Variants in FAM120B observed in about 807,000 individuals in gnomAD.
FAM120B encodes the protein family with sequence similarity 120 member B.
FAM120B carries 83 observed loss-of-function variants against 96.3 expected under a neutral mutation model. That is an observed-to-expected ratio of 0.86 (90% confidence interval 0.72 to 1.03). FAM120B has a LOEUF of 1.03. Ranked by LOEUF, FAM120B falls within the 50% of genes least tolerant of loss-of-function variation. The pLI is 0.00. For synonymous variants in FAM120B, 407 were observed against 402.7 expected, an observed-to-expected ratio of 1.01 and a Z score of -0.13; for missense variants, 1,027 against 1,121.2, an observed-to-expected ratio of 0.92 and a Z score of 1.20.
intron 9 of FAM120B, among the ~76,000 whole-genome samples, chr6:170,399,645 G>T (rs961985463): frequency 7.5e-6 from 1 of 133,110 alleles, no homozygotes; most frequent in Non-Finnish European, 1.5e-5. Flanking sequence ...AGTGGGGAAG[G>T]TAGAACTATG....
chr6:170,334,817 C>G (rs182477750), intron 4 of FAM120B, among the ~76,000 whole-genome samples: 1 of 152,144 alleles, frequency 6.6e-6, no homozygotes, highest in Non-Finnish European at 1.5e-5. Flanking sequence ...GCCACTTTCA[C>G]TGTTGAATGC....
At chr6:170,353,418 G>A (rs894616612) in intron 5 of FAM120B, among the ~76,000 whole-genome samples, 2 of 152,274 alleles carry the variant, frequency 1.3e-5, no homozygotes, top group Middle Eastern at 3.4e-3. Flanking sequence ...GCATCATCCT[G>A]ATACCAAAAC....
chr6:170,390,339 A>G (rs764846227), intron 7 of FAM120B, among the ~76,000 whole-genome samples: 14 of 152,242 alleles, frequency 9.2e-5, no homozygotes, highest in South Asian at 2.1e-4. Context: ...TAATAAGCCA[A>G]TAAGTATTGG....
intron 6 of FAM120B, among the ~76,000 whole-genome samples, chr6:170,364,167 A>G (rs1203298951): frequency 6.6e-6 from 1 of 152,186 alleles, no homozygotes; most frequent in Non-Finnish European, 1.5e-5. Context: ...CACTGAAGCA[A>G]AGGCTGAAAA....
At chr6:170,342,610 C>T (rs914629138) in intron 4 of FAM120B, among the ~76,000 whole-genome samples, 1 of 152,184 alleles carries the variant, frequency 6.6e-6, no homozygotes, top group Non-Finnish European at 1.5e-5. Flanking sequence ...TTCAGAGCTT[C>T]CCACCATAGA....
chr6:170,294,587 T>G (rs1783956444), upstream of FAM120B, among the ~76,000 whole-genome samples: 1 of 152,130 alleles, frequency 6.6e-6, no homozygotes, highest in Non-Finnish European at 1.5e-5. This position sits in a 1 kb window ranked among gnomAD's most constrained non-coding sequence, Gnocchi z 7.9. Flanking sequence ...CTTATCAAAT[T>G]CCAGTGCGGC....
At position 170,319,264 on chromosome 6, in the gene FAM120B, G is replaced by A. The variant is rs566797493; in HGVS notation, c.1734+140G>A. On this transcript the variant is annotated intron_variant, in intron 2 of 10. Coordinates refer to ENST00000476287, the MANE Select transcript of FAM120B (RefSeq NM_032448.3). ...GAGTCTCTAAGTCTCGTTAGGAAGT[G>A]TGACGTTATATGTGTGGAAACTCAC... 12 of 768,820 alleles carry A rather than the reference G, an allele frequency of 1.6e-5. No individual in the cohort carries two copies. In the South Asian group the frequency reaches 2.3e-4, roughly 15 times the overall value. 47.6% of individuals were successfully genotyped at this position (768,820 alleles called of 1,614,324 possible). A position where few individuals can be genotyped will look rare whatever the true frequency, so the allele number is the denominator to read the frequency against.
At chr6:170,295,241 T>C (rs759460768), upstream of FAM120B, 1 of 585,150 alleles carries the variant, frequency 1.7e-6, no homozygotes, top group Non-Finnish European at 3.1e-6. The surrounding 1 kb of genome is among the most constrained non-coding windows in gnomAD (Gnocchi z 7.8). Flanking sequence ...ACATAGACCT[T>C]ACCCCCCAAC....
intron 9 of FAM120B, among the ~76,000 whole-genome samples, chr6:170,400,612 C>G (rs1778519229): frequency 6.6e-6 from 1 of 152,172 alleles, no homozygotes; most frequent in Non-Finnish European, 1.5e-5. Flanking sequence ...GACGGCACCT[C>G]CACAGCACCA....
chr6:170,375,674 G>A (rs757474002), intron 6 of FAM120B, among the ~76,000 whole-genome samples: 3 of 152,174 alleles, frequency 2.0e-5, no homozygotes, highest in African/African-American at 7.2e-5. Context: ...GTGAGGAGGG[G>A]TACAGAGAAG....
intron 2 of FAM120B, among the ~76,000 whole-genome samples, chr6:170,322,510 T>C (rs1785359553): frequency 6.6e-6 from 1 of 152,044 alleles, no homozygotes; most frequent in Non-Finnish European, 1.5e-5. Flanking sequence ...TAGAAGAGGA[T>C]TGAGTACTCT....
intron 9 of FAM120B, among the ~76,000 whole-genome samples, chr6:170,403,449 T>C (rs540890914): frequency 7.5e-4 from 114 of 152,326 alleles, no homozygotes; most frequent in African/African-American, 2.7e-3. Context: ...TAAAATTTCT[T>C]GTGTTAGTAA....
intron 6 of FAM120B, among the ~76,000 whole-genome samples, chr6:170,364,739 C>T (rs985750134): frequency 6.6e-6 from 1 of 152,184 alleles, no homozygotes; most frequent in African/African-American, 2.4e-5. Flanking sequence ...GGGGGCCCTT[C>T]AGAGGCTGGT....
intron 1 of FAM120B, among the ~76,000 whole-genome samples, chr6:170,315,979 A>G (rs1304071007): frequency 6.8e-6 from 1 of 148,086 alleles, no homozygotes; most frequent in African/African-American, 2.5e-5. Context: ...GGATCGCTTG[A>G]ACCTGGTAGG....
chr6:170,320,885 G>C (rs372141534), intron 2 of FAM120B, among the ~76,000 whole-genome samples: 1 of 152,186 alleles, frequency 6.6e-6, no homozygotes, highest in Non-Finnish European at 1.5e-5. Flanking sequence ...GAAAAGAAAC[G>C]GTCAGGAGTA....
At chr6:170,389,659 A>C (rs969151755) in intron 7 of FAM120B, among the ~76,000 whole-genome samples, 1 of 152,050 alleles carries the variant, frequency 6.6e-6, no homozygotes, top group Non-Finnish European at 1.5e-5. Flanking sequence ...TCCTGGGCTC[A>C]AGTGATCCTC....
intron 6 of FAM120B, among the ~76,000 whole-genome samples, chr6:170,365,356 G>C (rs1010491990): frequency 3.3e-5 from 5 of 152,150 alleles, no homozygotes; most frequent in African/African-American, 1.2e-4. Context: ...TCTGCTGCTT[G>C]GTCTGCAGGG....
chr6:170,322,097 CTACT>C (rs141891123), intron 2 of FAM120B, among the ~76,000 whole-genome samples: 2,963 of 152,324 alleles, frequency 0.019, 83 homozygotes, highest in African/African-American at 0.068. Context: ...CTGATTTTAA[CTACT>C]TACTTAATGA....
Position 170,406,008 on chromosome 6 carries a change from T to C in FAM120B, c.*1257T>C, listed in dbSNP as rs997346409. 2.1e-5 allele frequency: 3 copies of C among 142,608 alleles called. No individual in the cohort carries two copies. The highest frequency in any genetic ancestry group is 7.3e-5 in the African/African-American group (3 of 41,066). 8.8% of individuals were successfully genotyped at this position (142,608 alleles called of 1,614,324 possible). A position where few individuals can be genotyped will look rare whatever the true frequency, so the allele number is the denominator to read the frequency against. ...TTTATCTCTGAGCATTGAAGGACTT[T>C]TGGTTAAAAAAAAAAATTAAGTTCA... On this transcript the variant is annotated 3_prime_UTR_variant, in exon 11 of 11. Transcript: ENST00000476287.
Sources: gnomAD v4.1 joint callset for allele counts (sites outside exome capture counted in the v4.1 genomes callset) on GRCh38, gnomAD v4.1.1 for gene constraint, Gnocchi (gnomAD v3.1) non-coding constraint, MANE v1.5 for transcripts, NCBI Gene and HGNC (gene_info 2026-07-23, HGNC 2026-07-21) for gene names.